Variants in WDR20 observed in about 807,000 individuals in gnomAD.
The protein encoded by WDR20 is WD repeat-containing protein 20.
In WDR20, 3 loss-of-function variants were observed where a neutral mutation model predicts 38.7. That is an observed-to-expected ratio of 0.08 (90% CI 0.04 to 0.20). The LOEUF (loss-of-function observed/expected upper bound fraction) is 0.20. WDR20 is among the 10% of genes least tolerant of loss of function. The pLI is 1.00. For synonymous variants in WDR20, 298 were observed against 285.6 expected (o/e 1.04, Z -0.44); for missense variants, 559 against 727.7 (o/e 0.77, Z 2.67).
chr14:102,198,409 C>T (rs376720493), intron 2 of WDR20: 28 of 198,688 alleles, frequency 1.4e-4, no homozygotes, highest in African/African-American at 3.3e-4. Context: ...TGAGCCACCA[C>T]GCCTGGCCAA....
chr14:102,142,968 T>C (rs1054355738), intron 1 of WDR20, among the ~76,000 whole-genome samples: 8 of 151,828 alleles, frequency 5.3e-5, no homozygotes, highest in Admixed American at 5.3e-4. Context: ...AAACATGGGG[T>C]CCTGGGGAAA....
chr14:102,174,212 A>G (rs1197075782), intron 1 of WDR20, among the ~76,000 whole-genome samples: 1 of 152,060 alleles, frequency 6.6e-6, no homozygotes, highest in Non-Finnish European at 1.5e-5. Context: ...ATGCATGTGC[A>G]AGTGTCTTTT....
At chr14:102,141,598 G>A (rs1167334795) in intron 1 of WDR20, among the ~76,000 whole-genome samples, 2 of 151,962 alleles carry the variant, frequency 1.3e-5, no homozygotes, top group African/African-American at 2.4e-5. Flanking sequence ...GGGTGACCTT[G>A]GATAAGTTAT....
chr14:102,188,943 G>A (rs2065595622), intron 1 of WDR20, among the ~76,000 whole-genome samples: 1 of 150,618 alleles, frequency 6.6e-6, no homozygotes, highest in South Asian at 2.1e-4. Context: ...CAGGTATGAT[G>A]GCTCATGCCT....
At chr14:102,170,366 A>C (rs1473587213) in intron 1 of WDR20, among the ~76,000 whole-genome samples, 2 of 152,212 alleles carry the variant, frequency 1.3e-5, no homozygotes, top group African/African-American at 4.8e-5. Flanking sequence ...TTGCTGGGTG[A>C]AAAGGATATG....
Position 102,222,896 on chromosome 14 carries a change from T to C in WDR20, c.*13T>C, listed in dbSNP as rs771978449. On this transcript the variant is annotated 3_prime_UTR_variant, in exon 4 of 4. Transcript: ENST00000335263. The surrounding 1 kb of genome is among the most constrained non-coding windows in gnomAD (Gnocchi z 4.4). ...AACTGTAGTGTAGCGACCTCACTGCTGCGCGCACAGTCTCCCGGGACTTGG... is the reference window on the plus strand; with the variant it reads ...AACTGTAGTGTAGCGACCTCACTGCCGCGCGCACAGTCTCCCGGGACTTGG... 1.2e-6 allele frequency: 2 copies of C among 1,613,966 alleles called. No individual in the cohort carries two copies. Among genetic ancestry groups the C allele is most frequent in the East Asian group, 4.5e-5 (2 of 44,896 alleles).
At chr14:102,160,009 C>T (rs55687519) in intron 1 of WDR20, among the ~76,000 whole-genome samples, 2,704 of 152,052 alleles carry the variant, frequency 0.018, 94 homozygotes, top group African/African-American at 0.063. Context: ...GAGGCTGAGG[C>T]GATAGGATGG....
chr14:102,153,162 CCTT>C (rs906827888), intron 1 of WDR20, among the ~76,000 whole-genome samples: 12 of 152,210 alleles, frequency 7.9e-5, no homozygotes, highest in Admixed American at 7.9e-4. Context: ...CCCTCTTGCA[CCTT>C]CTTTCTCCAT....
At chr14:102,167,016 G>A (rs1238664520) in intron 1 of WDR20, among the ~76,000 whole-genome samples, 1 of 152,134 alleles carries the variant, frequency 6.6e-6, no homozygotes, top group African/African-American at 2.4e-5. Flanking sequence ...TCACTCCCAG[G>A]CTTGAAAATC....
At chr14:102,197,069 G>A (rs1352509468) in intron 2 of WDR20, among the ~76,000 whole-genome samples, 1 of 152,208 alleles carries the variant, frequency 6.6e-6, no homozygotes, top group Non-Finnish European at 1.5e-5. Context: ...TTGCTGTGGT[G>A]TGACATTTAC....
At chr14:102,179,275 G>T (rs1205326743) in intron 1 of WDR20, among the ~76,000 whole-genome samples, 2 of 151,778 alleles carry the variant, frequency 1.3e-5, no homozygotes, top group Non-Finnish European at 2.9e-5. Flanking sequence ...TATAAAAGCG[G>T]CCTTTGAGAT....
chr14:102,167,363 T>C (rs2059960993), intron 1 of WDR20: 1 of 152,218 alleles, frequency 6.6e-6, no homozygotes. Context: ...TGTGGACATG[T>C]GCCGCCACAC....
downstream of WDR20, chr14:102,214,142 T>G: frequency 1.0e-6 from 1 of 985,620 alleles, no homozygotes; most frequent in Non-Finnish European, 1.2e-6. Flanking sequence ...AACCTCCACA[T>G]GCGTGGGTAG....
intron 1 of WDR20, among the ~76,000 whole-genome samples, chr14:102,141,199 G>A (rs1379705127): frequency 6.6e-6 from 1 of 152,148 alleles, no homozygotes; most frequent in Non-Finnish European, 1.5e-5. Flanking sequence ...GCATCCCACA[G>A]CACCTCCAAA....
chr14:102,168,430 G>A (rs1187697095), intron 1 of WDR20, among the ~76,000 whole-genome samples: 1 of 151,170 alleles, frequency 6.6e-6, no homozygotes. Context: ...TTTTTTTTTG[G>A]TGTTCAGTTA....
chr14:102,159,558 G>C (rs1030437719), intron 1 of WDR20, among the ~76,000 whole-genome samples: 39 of 152,282 alleles, frequency 2.6e-4, no homozygotes, highest in African/African-American at 8.7e-4. Flanking sequence ...ATCCAGCTGG[G>C]TGCGGTGGCG....
At chr14:102,149,169 C>CA (rs1392193774) in intron 1 of WDR20, among the ~76,000 whole-genome samples, 2 of 151,940 alleles carry the variant, frequency 1.3e-5, no homozygotes, top group Non-Finnish European at 2.9e-5. Context: ...CAAAACAAAA[C>CA]AAACAAACAA....
chr14:102,210,392 G>T lies in WDR20; in HGVS notation c.*512G>T. 1.0e-6 allele frequency: 1 copy of T among 985,472 alleles called. No homozygotes were observed. Among genetic ancestry groups the T allele is most frequent in the Non-Finnish European group, 1.2e-6 (1 of 829,996 alleles). 61.0% of individuals were successfully genotyped at this position (985,472 alleles called of 1,614,324 possible). On this transcript the variant is annotated 3_prime_UTR_variant, in exon 3 of 3. Transcript: ENST00000342702. Reference sequence around the variant, plus strand: ...TGAAATTTAACTTTAGGAACAAAACGTTTAGCAGGGTTGATTGATATTATT... The same window carrying T: ...TGAAATTTAACTTTAGGAACAAAACTTTTAGCAGGGTTGATTGATATTATT...
intron 1 of WDR20, among the ~76,000 whole-genome samples, chr14:102,162,543 T>C (rs2058959247): frequency 6.6e-6 from 1 of 152,202 alleles, no homozygotes; most frequent in South Asian, 2.1e-4. Flanking sequence ...AAGGACTCAC[T>C]TGAATACATC....
Sources: gnomAD v4.1 joint callset for allele counts (sites outside exome capture counted in the v4.1 genomes callset) on GRCh38, gnomAD v4.1.1 for gene constraint, Gnocchi (gnomAD v3.1) non-coding constraint, MANE v1.5 for transcripts, NCBI Gene and HGNC (gene_info 2026-07-23, HGNC 2026-07-21) for gene names.